Variants in KAZN observed in about 807,000 individuals in gnomAD.
The protein encoded by KAZN is kazrin, periplakin interacting protein, also known as kazrin.
A neutral mutation model predicts 87.4 loss-of-function variants in KAZN; 40 were observed. The observed-to-expected ratio is 0.46, with a 90% CI of 0.36 to 0.60. The LOEUF (loss-of-function observed/expected upper bound fraction) is 0.60, where lower values mean the gene tolerates loss of function less well. Among genes scored for constraint, KAZN ranks in the 20% least tolerant of loss-of-function variants. The pLI, the probability that KAZN is intolerant of heterozygous loss-of-function variation, is 0.00. For synonymous variants in KAZN, 466 were observed against 458.3 expected (o/e 1.02, Z -0.22); for missense variants, 898 against 1,073.9 (o/e 0.84, Z 2.29).
intron 1 of KAZN, among the ~76,000 whole-genome samples, chr1:14,048,395 C>CTTT (rs34631391): frequency 1.6e-4 from 23 of 145,630 alleles, no homozygotes; most frequent in Non-Finnish European, 3.4e-4. Flanking sequence ...TAAAATACTT[C>CTTT]TTTTTTTTTT....
chr1:14,413,036 C>T (rs1308480922), intron 2 of KAZN, among the ~76,000 whole-genome samples: 1 of 148,376 alleles, frequency 6.7e-6, no homozygotes, highest in Non-Finnish European at 1.5e-5. Context: ...TTATATATTA[C>T]ATAGGATTAA....
intron 1 of KAZN, among the ~76,000 whole-genome samples, chr1:14,621,606 C>A (rs1678701816): frequency 1.3e-5 from 2 of 152,188 alleles, no homozygotes; most frequent in Non-Finnish European, 1.5e-5. Context: ...CCACCCAAAT[C>A]TCACCTTGAA....
At chr1:15,048,059 C>T (rs940178139) in intron 4 of KAZN, among the ~76,000 whole-genome samples, 1 of 152,198 alleles carries the variant, frequency 6.6e-6, no homozygotes, top group African/African-American at 2.4e-5. Context: ...ACTGAGGCCA[C>T]TGGGAAAGCA....
chr1:13,944,197 A>G (rs1169240997), intron 1 of KAZN, among the ~76,000 whole-genome samples: 3 of 152,222 alleles, frequency 2.0e-5, no homozygotes, highest in African/African-American at 7.2e-5. Flanking sequence ...AACAAAAGGG[A>G]ATAAACTACG....
At chr1:14,971,672 TTTC>T (rs1408835847) in intron 2 of KAZN, among the ~76,000 whole-genome samples, 93 of 146,422 alleles carry the variant, frequency 6.4e-4, no homozygotes, top group African/African-American at 2.3e-3. Flanking sequence ...TTTTTTTTTT[TTTC>T]TTTTTCTTTT....
chr1:14,783,071 T>C (rs1347074285), intron 1 of KAZN, among the ~76,000 whole-genome samples: 1 of 151,840 alleles, frequency 6.6e-6, no homozygotes, highest in Non-Finnish European at 1.5e-5. Flanking sequence ...AAAGAGAAAA[T>C]TGCTGCCTTT....
intron 2 of KAZN, among the ~76,000 whole-genome samples, chr1:14,440,242 A>AGG (rs1666621688): frequency 6.6e-6 from 1 of 152,180 alleles, no homozygotes; most frequent in Admixed American, 6.5e-5. Context: ...CCTTGGCAGG[A>AGG]GGGTGATATT....
intron 1 of KAZN, among the ~76,000 whole-genome samples, chr1:14,063,872 C>T (rs949223277): frequency 2.6e-5 from 4 of 152,130 alleles, no homozygotes; most frequent in Admixed American, 1.3e-4. Context: ...TCATATAAGA[C>T]GTCACTGCTC....
upstream of KAZN, among the ~76,000 whole-genome samples, chr1:14,596,658 G>T (rs1676529993): frequency 6.6e-6 from 1 of 152,092 alleles, no homozygotes; most frequent in African/African-American, 2.4e-5. Context: ...CTGTTTCATG[G>T]ATTTATTTAT....
chr1:14,939,718 G>A (rs1243972473), intron 1 of KAZN, among the ~76,000 whole-genome samples: 1 of 152,166 alleles, frequency 6.6e-6, no homozygotes, highest in Non-Finnish European at 1.5e-5. Context: ...ATTGAGAGCC[G>A]TGACAGTGAC....
chr1:15,048,905 G>A (rs1299203331), intron 4 of KAZN, among the ~76,000 whole-genome samples: 1 of 150,120 alleles, frequency 6.7e-6, no homozygotes, highest in African/African-American at 2.5e-5. Context: ...GTCCTGGGTC[G>A]TTGGTCATGC....
At chr1:14,886,233 G>A (rs1432407223) in intron 1 of KAZN, among the ~76,000 whole-genome samples, 1 of 151,570 alleles carries the variant, frequency 6.6e-6, no homozygotes, top group African/African-American at 2.4e-5. Flanking sequence ...ACCGGCCTGG[G>A]CAACACAGCC....
At chr1:14,121,974 A>T (rs4662109) in intron 1 of KAZN, among the ~76,000 whole-genome samples, 3 of 152,122 alleles carry the variant, frequency 2.0e-5, no homozygotes, top group Admixed American at 6.5e-5. Flanking sequence ...AGGTTGGAAC[A>T]GAGTGTGTAG....
intron 1 of KAZN, among the ~76,000 whole-genome samples, chr1:14,709,294 T>G (rs1230797485): frequency 6.6e-6 from 1 of 152,192 alleles, no homozygotes; most frequent in African/African-American, 2.4e-5. Flanking sequence ...AAGTGCAAAA[T>G]GTTTGTCTTT....
At position 14,305,423 on chromosome 1, in the gene KAZN, CAA is replaced by C. The variant is rs1571264858; in HGVS notation, c.249+124833_249+124834del. 3.9e-5 allele frequency among the ~76,000 whole-genome samples: 6 copies of C among 152,178 alleles called. No homozygotes were observed. In the East Asian group the frequency reaches 1.2e-3, roughly 29 times the overall value. ...AGATCCCTAGTTCTCACCAGATTTG[CAA>C]AGAGGTCTGTGACCCCAGAAAAGGT... On this transcript the variant is annotated intron_variant, in intron 2 of 16. Transcript: ENST00000636203.
intron 1 of KAZN, among the ~76,000 whole-genome samples, chr1:14,140,762 T>G (rs887267341): frequency 6.6e-6 from 1 of 152,086 alleles, no homozygotes; most frequent in Non-Finnish European, 1.5e-5. Context: ...GGAAGGTTTA[T>G]GTGTCACTCT....
intron 1 of KAZN, among the ~76,000 whole-genome samples, chr1:14,155,335 A>G (rs184687305): frequency 3.3e-4 from 51 of 152,308 alleles, no homozygotes; most frequent in African/African-American, 1.1e-3. Flanking sequence ...TGCTGAAAGT[A>G]GTCACTAATG....
chr1:14,354,121 A>G (rs1279432171), intron 2 of KAZN, among the ~76,000 whole-genome samples: 1 of 152,250 alleles, frequency 6.6e-6, no homozygotes, highest in Non-Finnish European at 1.5e-5. Flanking sequence ...TGCCACAGCA[A>G]TTCAATGGGG....
rs143274935 is a variant in KAZN, at chr1:14,790,435, A to G, written c.227-170249A>G. On this transcript the variant is annotated intron_variant, in intron 1 of 14. Coordinates refer to ENST00000376030, the MANE Select transcript of KAZN (RefSeq NM_201628.3). ...AATGTAATAATTCACATACCATAAG[A>G]TATAATAATCCACATACCATAAAAT... Among the ~76,000 whole-genome samples the G allele has an allele frequency of 8.5e-5, 13 of 152,300 alleles. No individual in the cohort carries two copies. In the East Asian group the frequency reaches 2.5e-3, roughly 29 times the overall value.
Sources: allele counts gnomAD v4.1 joint callset (sites outside exome capture counted in the v4.1 genomes callset), GRCh38; gene constraint gnomAD v4.1.1; transcripts MANE v1.5; gene names NCBI Gene and HGNC (gene_info 2026-07-23, HGNC 2026-07-21).